CORO2A: variants seen among roughly 807,000 people sequenced by gnomAD.
CORO2A encodes the protein coronin-2A.
A neutral mutation model predicts 62.4 loss-of-function variants in CORO2A; 47 were observed. The ratio of observed to expected loss-of-function variants is 0.75; its 90% CI spans 0.60 to 0.96. The LOEUF (loss-of-function observed/expected upper bound fraction) is 0.96. Ranked by LOEUF, CORO2A falls within the 40% of genes least tolerant of loss-of-function variation. The pLI is 0.00. For synonymous variants in CORO2A, 273 were observed against 268.9 expected (o/e 1.02, Z -0.15); for missense variants, 610 against 684.1 (o/e 0.89, Z 1.21).
At chr9:98,125,843 G>C (rs1827309255) in intron 11 of CORO2A, among the ~76,000 whole-genome samples, 1 of 143,912 alleles carries the variant, frequency 6.9e-6, no homozygotes, top group South Asian at 2.3e-4. Context: ...TCAGCCTCCA[G>C]AGTAGCTGGG....
chr9:98,187,968 G>C (rs1412301617), intron 1 of CORO2A, among the ~76,000 whole-genome samples: 2 of 152,108 alleles, frequency 1.3e-5, no homozygotes, highest in African/African-American at 4.8e-5. Flanking sequence ...TGGAAAAGCG[G>C]GATAAAAAGA....
intron 2 of CORO2A, among the ~76,000 whole-genome samples, chr9:98,147,334 G>A (rs1334077930): frequency 2.6e-5 from 4 of 152,202 alleles, no homozygotes; most frequent in South Asian, 4.1e-4. Context: ...CATGTGGTAG[G>A]GGGCGGGGGG....
At chr9:98,137,041 A>C (rs183525812) in intron 3 of CORO2A, among the ~76,000 whole-genome samples, 2 of 152,274 alleles carry the variant, frequency 1.3e-5, no homozygotes, top group Admixed American at 1.3e-4. Context: ...GTGGGTACAA[A>C]ATGAATTGTA....
chr9:98,184,378 A>G (rs1828212136), intron 1 of CORO2A, among the ~76,000 whole-genome samples: 1 of 152,184 alleles, frequency 6.6e-6, no homozygotes. Context: ...AGAAAACAAA[A>G]TTCTACCACC....
At chr9:98,152,692 G>A (rs958602385) in intron 2 of CORO2A, among the ~76,000 whole-genome samples, 25 of 152,172 alleles carry the variant, frequency 1.6e-4, no homozygotes, top group Admixed American at 4.6e-4. Context: ...TGTGTCCCAT[G>A]ATGTAATGAC....
chr9:98,158,439 C>A (rs1320386503), intron 1 of CORO2A, among the ~76,000 whole-genome samples: 6 of 152,190 alleles, frequency 3.9e-5, no homozygotes, highest in African/African-American at 2.4e-5. Context: ...GCATCTTCAG[C>A]TTGCTTTGCT....
chr9:98,150,879 TTC>T (rs1564207868), intron 2 of CORO2A, among the ~76,000 whole-genome samples: 2 of 152,060 alleles, frequency 1.3e-5, no homozygotes, highest in Admixed American at 6.6e-5. Context: ...GCTCGAAACA[TTC>T]TCTCTCTCTT....
At chr9:98,130,910 G>A in intron 7 of CORO2A, 45 bp downstream of exon 7, 2 of 1,514,332 alleles carry the variant, frequency 1.3e-6, no homozygotes, top group Non-Finnish European at 1.8e-6. Context: ...GTCTGCCGCT[G>A]TCTCAGGGGT....
At chr9:98,178,830 G>T (rs530775562) in intron 1 of CORO2A, among the ~76,000 whole-genome samples, 2 of 152,190 alleles carry the variant, frequency 1.3e-5, no homozygotes, top group Non-Finnish European at 2.9e-5. Flanking sequence ...GAAGAGAGTC[G>T]GAGATAATTT....
chr9:98,146,126 C>A (rs1374922861), intron 2 of CORO2A, among the ~76,000 whole-genome samples: 1 of 152,198 alleles, frequency 6.6e-6, no homozygotes, highest in Non-Finnish European at 1.5e-5. Flanking sequence ...TGTCTACTCC[C>A]AGCAGGGTTC....
intron 6 of CORO2A, 56 bp from the exon 7 acceptor site, chr9:98,131,115 G>A (rs749202277): frequency 1.5e-4 from 182 of 1,196,962 alleles, no homozygotes; most frequent in Non-Finnish European, 2.1e-4. Context: ...GCCCTCAGTG[G>A]TGCTCCCGGA....
At chr9:98,146,076 C>T (rs959335310) in intron 2 of CORO2A, among the ~76,000 whole-genome samples, 1 of 152,182 alleles carries the variant, frequency 6.6e-6, no homozygotes, top group Non-Finnish European at 1.5e-5. Flanking sequence ...CTGAAAGCCA[C>T]GGTGTCCATT....
chr9:98,181,333 G>GA, intron 1 of CORO2A, among the ~76,000 whole-genome samples: 1 of 122,136 alleles, frequency 8.2e-6, no homozygotes, highest in South Asian at 2.7e-4. Flanking sequence ...TCTCTCTCTT[G>GA]CTTTTTTTTT....
intron 1 of CORO2A, among the ~76,000 whole-genome samples, chr9:98,174,431 T>C (rs1489475498): frequency 6.6e-6 from 1 of 152,222 alleles, no homozygotes; most frequent in African/African-American, 2.4e-5. Context: ...AAGCTCTTCA[T>C]TGACACATGT....
intron 1 of CORO2A, among the ~76,000 whole-genome samples, chr9:98,161,679 C>T (rs920556699): frequency 6.6e-6 from 1 of 152,084 alleles, no homozygotes; most frequent in Non-Finnish European, 1.5e-5. Flanking sequence ...AATGGTCACC[C>T]GGGCTGGAGT....
At position 98,121,622 on chromosome 9, in the gene CORO2A, T is replaced by G. The variant is rs1231011441; in HGVS notation, c.*3152A>C. 6.6e-6 allele frequency: 1 copy of G among 152,256 alleles called. No individual in the cohort carries two copies. The highest frequency in any genetic ancestry group is 6.5e-5 in the Admixed American group (1 of 15,280). The allele number at this position is 152,256 out of a possible 1,614,324, so 9.4% of individuals were successfully genotyped here. ...GGGAGCTGGCCAAGGAATGGCATTG[T>G]GCAGAGGCATACCGGGAAGCTCTCT... is the stretch of plus-strand genomic sequence containing the variant. On this transcript the variant is annotated 3_prime_UTR_variant, in exon 12 of 12. Coordinates refer to ENST00000375077, the MANE Select transcript of CORO2A (RefSeq NM_052820.4).
chr9:98,154,352 T>TATATATATATATATATATATATATAC lies in CORO2A; in HGVS notation c.201+3107_201+3108insGTATATATATATATATATATATATAT, dbSNP rs71369555. ...GTGTATATATATATATATATATATA[T>TATATATATATATATATATATATATAC]ACACAAATACATATATATATATATT... On this transcript the variant is annotated intron_variant, in intron 2 of 11. Coordinates refer to ENST00000375077, the MANE Select transcript of CORO2A (RefSeq NM_052820.4). Among the ~76,000 whole-genome samples, 162 of 93,832 alleles carry TATATATATATATATATATATATATAC rather than the reference T, an allele frequency of 1.7e-3. 1 individual carries two copies. The highest frequency in any genetic ancestry group is 5.9e-3 in the East Asian group (13 of 2,194). 61.6% of individuals were successfully genotyped at this position (93,832 alleles called of 152,430 possible). A position where few individuals can be genotyped will look rare whatever the true frequency, so the allele number is the denominator to read the frequency against.
Position 98,129,793 on chromosome 9 carries a change from C to A in CORO2A, c.967+1G>T. The A allele has an allele frequency of 6.2e-7, 1 of 1,611,438 alleles. No individual in the cohort carries two copies. Among genetic ancestry groups the A allele is most frequent in the Non-Finnish European group, 8.5e-7 (1 of 1,177,636 alleles). ...CATGAACTTCAGTGTCCCTCACTTA[C>A]CGATCCCCTTCTGTGGGTTATAGGA... is the stretch of plus-strand genomic sequence containing the variant. On this transcript the variant is annotated splice_donor_variant, in intron 8 of 11. Coordinates refer to ENST00000375077, the MANE Select transcript of CORO2A (RefSeq NM_052820.4). LOFTEE classifies it high-confidence loss of function.
chr9:98,175,058 C>T (rs1349030099), intron 1 of CORO2A, among the ~76,000 whole-genome samples: 1 of 152,176 alleles, frequency 6.6e-6, no homozygotes, highest in Non-Finnish European at 1.5e-5. Context: ...TCTCTGCTTC[C>T]ATGTTGATTT....
Sources: allele counts gnomAD v4.1 joint callset (sites outside exome capture counted in the v4.1 genomes callset), GRCh38; gene constraint gnomAD v4.1.1; transcripts MANE v1.5; gene names NCBI Gene and HGNC (gene_info 2026-07-23, HGNC 2026-07-21).